The following ANKHD1 variants were observed in gnomAD, a reference collection of about 807,000 sequenced individuals.
The protein encoded by ANKHD1 is ankyrin repeat and KH domain-containing protein 1.
ANKHD1 carries 31 observed loss-of-function variants against 230.5 expected under a neutral mutation model. That is an observed-to-expected ratio of 0.13 (90% CI 0.10 to 0.18). The LOEUF (loss-of-function observed/expected upper bound fraction) is 0.18, where lower values mean the gene tolerates loss of function less well. ANKHD1 is among the 10% of genes least tolerant of loss of function. ANKHD1 has a pLI of 1.00. For synonymous variants in ANKHD1, 1,074 were observed against 1,117.6 expected (o/e 0.96, Z 0.78); for missense variants, 2,256 against 3,071.3 (o/e 0.73, Z 6.27).
At chr5:140,456,121 G>A (rs1300741405) in intron 7 of ANKHD1, among the ~76,000 whole-genome samples, 1 of 152,108 alleles carries the variant, frequency 6.6e-6, no homozygotes, top group Non-Finnish European at 1.5e-5. Context: ...TTGCTTCAAA[G>A]AGAATAAAAT....
At chr5:140,404,432 G>T (rs1770243129) in intron 1 of ANKHD1, among the ~76,000 whole-genome samples, 2 of 150,210 alleles carry the variant, frequency 1.3e-5, no homozygotes, top group East Asian at 1.9e-4. Context: ...TTAATTTTTT[G>T]TTTTTTTTGT....
intron 14 of ANKHD1, among the ~76,000 whole-genome samples, chr5:140,487,773 T>C (rs1751575571): frequency 1.3e-5 from 2 of 152,228 alleles, no homozygotes; most frequent in Admixed American, 1.3e-4. Context: ...ATATGTAGGA[T>C]GTTTAAAACT....
Position 140,471,797 on chromosome 5 carries a change from G to A in ANKHD1, c.1782+7021G>A, listed in dbSNP as rs115688351. Among the ~76,000 whole-genome samples, 678 of 152,264 alleles carry A rather than the reference G, an allele frequency of 4.5e-3. 4 individuals are homozygous for A. Among genetic ancestry groups the A allele is most frequent in the Non-Finnish European group, 4.8e-3 (326 of 68,022 alleles). On this transcript the variant is annotated intron_variant, in intron 10 of 33. Coordinates refer to ENST00000360839, the MANE Select transcript of ANKHD1 (RefSeq NM_017747.3). Reference sequence around the variant, plus strand: ...TTCTTGTTTTAGTTGAAAAGTGGAAGCCTTAAGTACATTTATAATGAGGGG... The same window carrying A: ...TTCTTGTTTTAGTTGAAAAGTGGAAACCTTAAGTACATTTATAATGAGGGG...
Position 140,529,421 on chromosome 5 carries a change from A to G in ANKHD1, c.6475A>G (p.Ile2159Val), listed in dbSNP as rs1753723394. 17 of 1,614,172 alleles carry G rather than the reference A, an allele frequency of 1.1e-5. No individual in the cohort carries two copies. The highest frequency in any genetic ancestry group is 1.4e-5 in the Non-Finnish European group (17 of 1,180,032). The change falls in exon 29 of 34, where the codon ATT becomes GTT. Residue 2159 changes from isoleucine (I) to valine (V), a missense_variant. Ile to Val is a conservative substitution (Grantham distance 29). Transcript: ENST00000360839. ...AACTATTCACCAGGATCCCCAGTCT[A>G]TTTTTGTTACGAATCCAGTTACTTT... is the stretch of plus-strand genomic sequence containing the variant. ...NATIHQDPQSIFVTNPVTLTP... is the reference protein window; with the variant it reads ...NATIHQDPQSVFVTNPVTLTP...
intron 5 of ANKHD1, among the ~76,000 whole-genome samples, chr5:140,443,443 C>T (rs1774024743): frequency 6.6e-6 from 1 of 151,758 alleles, no homozygotes; most frequent in Non-Finnish European, 1.5e-5. Flanking sequence ...GTAATCCCAG[C>T]ACTTTGGGAG....
chr5:140,403,967 T>C (rs1372595446), intron 1 of ANKHD1, among the ~76,000 whole-genome samples: 1 of 152,234 alleles, frequency 6.6e-6, no homozygotes, highest in Non-Finnish European at 1.5e-5. Context: ...TTTAAAACCT[T>C]AGTACATTCT....
At chr5:140,437,118 A>T (rs1773509330) in intron 2 of ANKHD1, among the ~76,000 whole-genome samples, 1 of 152,214 alleles carries the variant, frequency 6.6e-6, no homozygotes, top group Non-Finnish European at 1.5e-5. Context: ...TGAAGTAGGA[A>T]TAATACACAA....
chr5:140,449,965 T>G (rs566288669), intron 7 of ANKHD1, among the ~76,000 whole-genome samples: 1 of 152,324 alleles, frequency 6.6e-6, no homozygotes, highest in African/African-American at 2.4e-5. Flanking sequence ...AATCATACTT[T>G]TAATATACAA....
At chr5:140,428,995 A>G (rs1237406496) in intron 1 of ANKHD1, among the ~76,000 whole-genome samples, 2 of 151,672 alleles carry the variant, frequency 1.3e-5, no homozygotes, top group Admixed American at 6.6e-5. Flanking sequence ...CATGTTGGCC[A>G]GGCTGGTCTC....
chr5:140,521,481 TAA>T (rs1057231846), intron 24 of ANKHD1, among the ~76,000 whole-genome samples: 2 of 151,834 alleles, frequency 1.3e-5, no homozygotes, highest in African/African-American at 4.8e-5. Context: ...CTTAAAAAAA[TAA>T]ATTAAAATAA....
chr5:140,418,051 AG>A (rs1771553147), intron 1 of ANKHD1, among the ~76,000 whole-genome samples: 1 of 149,218 alleles, frequency 6.7e-6, no homozygotes, highest in Non-Finnish European at 1.5e-5. Flanking sequence ...CATGTTGTCC[AG>A]GCCAGTCTCA....
Position 140,487,049 on chromosome 5 carries a change from G to T in ANKHD1, c.2234G>T (p.Gly745Val). 2 of 1,611,232 alleles carry T rather than the reference G, an allele frequency of 1.2e-6. No homozygotes were observed. The highest frequency in any genetic ancestry group is 2.2e-5 in the South Asian group (2 of 90,852). Residue 745 changes from glycine to valine, a missense_variant, in exon 14 of 34, where the codon GGA (glycine) becomes GTA (valine). Physicochemically the swap from Gly to Val is moderately radical, Grantham distance 109. Around this residue, in one of 13 missense-constraint regions of ANKHD1, gnomAD observed 358 missense variants for 397.7 expected, o/e 0.90. Coordinates refer to ENST00000360839, the MANE Select transcript of ANKHD1 (RefSeq NM_017747.3). ...CAGGAGAACTCTCCTGCCCTTTTAG[G>T]AGTGCAAAAAGGTTAGTTATTGAAT... ...TSQENSPALL[G>V]VQKGTSKQKS...
At chr5:140,491,092 G>GTATATATATATATATATATA (rs377535904) in intron 14 of ANKHD1, among the ~76,000 whole-genome samples, 4 of 102,408 alleles carry the variant, frequency 3.9e-5, no homozygotes, top group Non-Finnish European at 5.4e-5. Flanking sequence ...GTGTGTGTGT[G>GTATATATATATATATATATA]TATATATATA....
intron 10 of ANKHD1, among the ~76,000 whole-genome samples, chr5:140,475,739 G>A (rs936090582): frequency 9.2e-5 from 14 of 152,220 alleles, no homozygotes; most frequent in Admixed American, 8.5e-4. Flanking sequence ...TTCTGAAATG[G>A]ACTCCAAGAG....
intron 1 of ANKHD1, among the ~76,000 whole-genome samples, chr5:140,427,438 T>C (rs1240614706): frequency 6.6e-4 from 55 of 83,418 alleles, no homozygotes; most frequent in South Asian, 8.9e-4. Context: ...CCCCAACCTC[T>C]CTCCCGGACG....
rs765906482 is a variant in ANKHD1, at chr5:140,496,643, G to A, written c.2369G>A (p.Gly790Glu). ...EETEGKLNELGQRISAIEKAQ... is the reference protein window; with the variant it reads ...EETEGKLNELEQRISAIEKAQ... ...ACTGAAGGCAAGCTGAATGAACTGG[G>A]ACAAAGAATTAGTGCTATTGAAAAA... Residue 790 changes from glycine (G) to glutamate (E), a missense_variant, in exon 15 of 34, where the codon GGA (glycine) becomes GAA (glutamate). By Grantham distance (98) the Gly-to-Glu change is moderately conservative. Transcript: ENST00000360839. The A allele has an allele frequency of 1.9e-6, 3 of 1,613,706 alleles. No homozygotes were observed. The highest frequency in any genetic ancestry group is 2.5e-6 in the Non-Finnish European group (3 of 1,179,948).
intron 9 of ANKHD1, among the ~76,000 whole-genome samples, chr5:140,460,784 G>A (rs1210792293): frequency 1.3e-5 from 2 of 152,170 alleles, no homozygotes; most frequent in African/African-American, 4.8e-5. Context: ...GCCTCTCAAA[G>A]TGCTGGGATT....
At chr5:140,463,954 T>G (rs769738462) in intron 9 of ANKHD1, among the ~76,000 whole-genome samples, 2 of 152,128 alleles carry the variant, frequency 1.3e-5, no homozygotes, top group Non-Finnish European at 2.9e-5. Flanking sequence ...GTTACAGGTT[T>G]GAGCCACCAT....
In ANKHD1 at chr5:140,459,473, G is replaced by A. The variant is rs866792736; in HGVS notation, c.1672+118G>A. On this transcript the variant is annotated intron_variant, in intron 9 of 33. Coordinates refer to ENST00000360839, the MANE Select transcript of ANKHD1 (RefSeq NM_017747.3). ...AATAGAATGGTGGTTACCAGAGTGT[G>A]GGCATGAGGGTGGGAGGAGAGTACA... 3.0e-5 allele frequency: 39 copies of A among 1,285,540 alleles called. 1 individual carries two copies. In the Middle Eastern group the frequency reaches 2.5e-3, roughly 84 times the overall value. 79.6% of individuals were successfully genotyped at this position (1,285,540 alleles called of 1,614,324 possible). A position where few individuals can be genotyped will look rare whatever the true frequency, so the allele number is the denominator to read the frequency against.
Sources: gnomAD v4.1 joint callset for allele counts (sites outside exome capture counted in the v4.1 genomes callset) on GRCh38, gnomAD v4.1.1 for gene constraint, gnomAD v4.1.1 regional missense constraint, MANE v1.5 for transcripts, NCBI Gene and HGNC (gene_info 2026-07-23, HGNC 2026-07-21) for gene names.